Variants in SRGAP3 observed in about 807,000 individuals in gnomAD.
The protein encoded by SRGAP3 is SLIT-ROBO Rho GTPase-activating protein 3.
SRGAP3 carries 39 observed loss-of-function variants against 121.1 expected under a neutral mutation model. That is an observed-to-expected ratio of 0.32 (90% CI 0.25 to 0.42). SRGAP3 has a LOEUF of 0.42. SRGAP3 is among the 10% of genes least tolerant of loss of function. SRGAP3 has a pLI of 1.00. For missense variants in SRGAP3, 1,213 were observed against 1,470.6 expected, an observed-to-expected ratio of 0.82 and a Z score of 2.86; for synonymous variants, 601 against 570.0, an observed-to-expected ratio of 1.05 and a Z score of -0.77.
chr3:9,280,677 G>A (rs1453759837), intron 3 of SRGAP3, among the ~76,000 whole-genome samples: 1 of 152,204 alleles, frequency 6.6e-6, no homozygotes, highest in African/African-American at 2.4e-5. Flanking sequence ...CTGCTTGAGA[G>A]TTAACTATGA....
chr3:9,257,697 C>CTTTTT, intron 3 of SRGAP3, among the ~76,000 whole-genome samples: 3 of 81,188 alleles, frequency 3.7e-5, no homozygotes, highest in South Asian at 5.0e-4. Flanking sequence ...CAAAATAGCT[C>CTTTTT]CTTTTTTTTT....
chr3:9,020,341 T>C (rs1943855256), intron 14 of SRGAP3, among the ~76,000 whole-genome samples: 1 of 152,076 alleles, frequency 6.6e-6, no homozygotes, highest in Admixed American at 6.5e-5. Context: ...AAAAAATTCC[T>C]GTGAAATCCC....
chr3:9,326,650 T>A (rs562666805), intron 2 of SRGAP3, among the ~76,000 whole-genome samples: 2 of 151,846 alleles, frequency 1.3e-5, no homozygotes, highest in Non-Finnish European at 2.9e-5. Context: ...ACAGCAGTGA[T>A]AACTACTGAG....
chr3:9,080,015 C>T lies in SRGAP3; in HGVS notation c.486+10G>A. ...ATCCCAAAACAGCAGTGAGCCTGGG[C>T]AGAACTTACTGTGTAGAGCTCATTG... On this transcript the variant is annotated intron_variant, in intron 4 of 21. Coordinates refer to ENST00000383836, the MANE Select transcript of SRGAP3 (RefSeq NM_014850.4). 1 of 1,614,116 alleles carries T rather than the reference C, an allele frequency of 6.2e-7. No individual in the cohort carries two copies. Among genetic ancestry groups the T allele is most frequent in the Non-Finnish European group, 8.5e-7 (1 of 1,180,014 alleles).
chr3:9,355,116 T>C (rs1402821928), intron 1 of SRGAP3, among the ~76,000 whole-genome samples: 1 of 152,228 alleles, frequency 6.6e-6, no homozygotes, highest in Admixed American at 6.5e-5. Context: ...ATGGTTACTC[T>C]AAACCAGCAA....
At chr3:9,299,622 T>A (rs1333823402) in intron 3 of SRGAP3, among the ~76,000 whole-genome samples, 3 of 151,968 alleles carry the variant, frequency 2.0e-5, no homozygotes, top group African/African-American at 4.8e-5. Flanking sequence ...TTAAGATCCT[T>A]GGCTCGGCCA....
chr3:9,185,967 G>A (rs1951584326), intron 1 of SRGAP3, among the ~76,000 whole-genome samples: 1 of 152,142 alleles, frequency 6.6e-6, no homozygotes, highest in Admixed American at 6.5e-5. Flanking sequence ...GAGTGGGCAG[G>A]CACACAGGGT....
intron 19 of SRGAP3, among the ~76,000 whole-genome samples, chr3:8,993,795 A>C (rs1559861262): frequency 6.6e-6 from 1 of 152,156 alleles, no homozygotes; most frequent in East Asian, 1.9e-4. Flanking sequence ...CAGAGCTCCC[A>C]AGGAAGGTGT....
chr3:9,173,127 T>A lies in SRGAP3; in HGVS notation c.68-48210A>T, dbSNP rs376586617. On this transcript the variant is annotated intron_variant, in intron 1 of 21. Transcript: ENST00000383836. ...TGCACTGCTGGGAGGTATGGCCACA[T>A]CTGGCCCAGCTCTGAGCTGGGCGCT... Among the ~76,000 whole-genome samples the A allele has an allele frequency of 5.9e-5, 9 of 152,292 alleles. No homozygotes were observed. In the East Asian group the frequency reaches 1.5e-3, roughly 26 times the overall value.
intron 1 of SRGAP3, among the ~76,000 whole-genome samples, chr3:9,137,686 C>A (rs1195529378): frequency 6.6e-6 from 1 of 152,128 alleles, no homozygotes; most frequent in African/African-American, 2.4e-5. Flanking sequence ...CCCTGACCAC[C>A]CCTACCTAGA....
Position 9,277,402 on chromosome 3 carries a change from C to T in SRGAP3, n.442+48608G>A, listed in dbSNP as rs138846350. ...ATCACTTGAGGTCAGGAGTTGGAGACCAGCTTGGCCAACATGGCAAGTCCC... is the reference window on the plus strand; with the variant it reads ...ATCACTTGAGGTCAGGAGTTGGAGATCAGCTTGGCCAACATGGCAAGTCCC... On this transcript the variant is annotated intron_variant and non_coding_transcript_variant, in intron 3 of 3. Transcript: ENST00000490889. Among the ~76,000 whole-genome samples, 317 of 151,542 alleles carry T rather than the reference C, an allele frequency of 2.1e-3. 4 individuals are homozygous for T. The highest frequency in any genetic ancestry group is 7.4e-3 in the African/African-American group (304 of 41,310).
At chr3:9,091,274 C>T (rs138750848) in intron 3 of SRGAP3, among the ~76,000 whole-genome samples, 2 of 152,164 alleles carry the variant, frequency 1.3e-5, no homozygotes, top group East Asian at 3.9e-4. Context: ...TCTTTTCTCA[C>T]TCTTTGCTTG....
chr3:9,075,837 C>G (rs1226148010), intron 4 of SRGAP3, among the ~76,000 whole-genome samples: 2 of 152,178 alleles, frequency 1.3e-5, no homozygotes, highest in Non-Finnish European at 2.9e-5. Context: ...AGAAAGTGCT[C>G]AAAAGAAATC....
upstream of SRGAP3, among the ~76,000 whole-genome samples, chr3:9,253,801 T>C (rs906512888): frequency 1.3e-5 from 2 of 152,200 alleles, no homozygotes; most frequent in Non-Finnish European, 2.9e-5. Context: ...CTCTTTCATA[T>C]CATTTGTCGT....
intron 1 of SRGAP3, among the ~76,000 whole-genome samples, chr3:9,195,303 G>T (rs1354676779): frequency 1.3e-5 from 2 of 152,162 alleles, no homozygotes; most frequent in Non-Finnish European, 2.9e-5. Flanking sequence ...TGATTTAATT[G>T]TTAATAGTGG....
At chr3:9,317,618 G>A (rs140315539) in intron 3 of SRGAP3, among the ~76,000 whole-genome samples, 2 of 152,254 alleles carry the variant, frequency 1.3e-5, no homozygotes, top group African/African-American at 2.4e-5. Flanking sequence ...CTAAGAATAA[G>A]TCTGAGAAAC....
intron 3 of SRGAP3, among the ~76,000 whole-genome samples, chr3:9,319,973 A>T (rs1955413362): frequency 6.6e-6 from 1 of 151,946 alleles, no homozygotes; most frequent in African/African-American, 2.4e-5. Flanking sequence ...TTCTGAGAAC[A>T]AAGCTGGTCT....
At chr3:9,273,773 G>A (rs1408111616) in intron 3 of SRGAP3, among the ~76,000 whole-genome samples, 1 of 150,476 alleles carries the variant, frequency 6.6e-6, no homozygotes, top group Non-Finnish European at 1.5e-5. Flanking sequence ...TATAGTGTAA[G>A]GTAAGGGTTC....
At chr3:9,116,043 T>G (rs541200014) in intron 2 of SRGAP3, among the ~76,000 whole-genome samples, 1 of 152,308 alleles carries the variant, frequency 6.6e-6, no homozygotes, top group East Asian at 1.9e-4. Context: ...GAGAAGATAA[T>G]TCAATATTTA....
Sources: allele counts gnomAD v4.1 joint callset (sites outside exome capture counted in the v4.1 genomes callset), GRCh38; gene constraint gnomAD v4.1.1; transcripts MANE v1.5; gene names NCBI Gene and HGNC (gene_info 2026-07-23, HGNC 2026-07-21).